The following PCSK1 variants were observed in gnomAD, a reference collection of about 807,000 sequenced individuals.
The protein encoded by PCSK1 is neuroendocrine convertase 1.
PCSK1 carries 56 observed loss-of-function variants against 90.6 expected under a neutral mutation model. That is an observed-to-expected ratio of 0.62 (90% CI 0.50 to 0.77). PCSK1 has a LOEUF of 0.77. PCSK1 is among the 30% of genes least tolerant of loss of function. The pLI, the probability that PCSK1 is intolerant of heterozygous loss-of-function variation, is 0.00. For synonymous variants in PCSK1, 348 were observed against 342.4 expected, an observed-to-expected ratio of 1.02 and a Z score of -0.18; for missense variants, 801 against 932.6, an observed-to-expected ratio of 0.86 and a Z score of 1.84.
At chr5:96,412,757 T>TTTTTTTTTGTTTTTTG (rs1554058744) in intron 6 of PCSK1, among the ~76,000 whole-genome samples, 4 of 141,588 alleles carry the variant, frequency 2.8e-5, no homozygotes, top group African/African-American at 1.2e-4. Context: ...GTGATGTTTT[T>TTTTTTTTTGTTTTTTG]TTTTTTTTTT....
In PCSK1 at chr5:96,410,911, C is replaced by A; in HGVS notation, c.958G>T (p.Asp320Tyr). The change falls in exon 8 of 14, where the codon GAT (aspartate) becomes TAT (tyrosine). Residue 320 changes from aspartate (D) to tyrosine (Y), a missense_variant. Asp to Tyr is a radical substitution (Grantham distance 160). Coordinates refer to ENST00000311106, the MANE Select transcript of PCSK1 (RefSeq NM_000439.5). ...GTGTAGATGCTGTCTGTGTAGCCAT[C>A]ACAGTCACAATTATCTCCCTGACGC... ...GGRQGDNCDC[D>Y]GYTDSIYTIS... 1 of 1,614,076 alleles carries A rather than the reference C, an allele frequency of 6.2e-7. No homozygotes were observed. Among genetic ancestry groups the A allele is most frequent in the African/African-American group, 1.3e-5 (1 of 75,028 alleles).
At chr5:96,403,090 G>A (rs1429766092) in intron 9 of PCSK1, among the ~76,000 whole-genome samples, 2 of 152,230 alleles carry the variant, frequency 1.3e-5, no homozygotes, top group Admixed American at 1.3e-4. Flanking sequence ...GAGGCTTAAG[G>A]CAAGGTGCTG....
At chr5:96,403,219 A>T (rs1390959685) in intron 9 of PCSK1, among the ~76,000 whole-genome samples, 1 of 152,138 alleles carries the variant, frequency 6.6e-6, no homozygotes, top group East Asian at 1.9e-4. Context: ...TCTCTGCAAA[A>T]TATTAAGGAG....
chr5:96,403,150 G>C (rs971482865), intron 9 of PCSK1, among the ~76,000 whole-genome samples: 2 of 152,078 alleles, frequency 1.3e-5, no homozygotes, highest in South Asian at 4.2e-4. Flanking sequence ...TTCTGTAGTA[G>C]AGCATTTATT....
Position 96,429,199 on chromosome 5 carries a change from T to C in PCSK1, c.285+14A>G, listed in dbSNP as rs540615645. 151 of 1,273,722 alleles carry C rather than the reference T, an allele frequency of 1.2e-4. 2 individuals are homozygous for C. The South Asian group carries it at 1.7e-3, about 14-fold the overall frequency. The allele number at this position is 1,273,722 out of a possible 1,614,324, so 78.9% of individuals were successfully genotyped here. Reference sequence around the variant, plus strand: ...GCTAGAGTATTGGTTTGAAGACAAATGTACAACACTTACACGATCATCATC... The same window carrying C: ...GCTAGAGTATTGGTTTGAAGACAAACGTACAACACTTACACGATCATCATC... On this transcript the variant is annotated intron_variant, in intron 2 of 13. Transcript: ENST00000311106.
At chr5:96,431,173 A>T (rs868840933) in intron 1 of PCSK1, among the ~76,000 whole-genome samples, 2 of 152,182 alleles carry the variant, frequency 1.3e-5, no homozygotes, top group African/African-American at 4.8e-5. Flanking sequence ...TTCCTCTGCT[A>T]CTCATACCCT....
intron 9 of PCSK1, among the ~76,000 whole-genome samples, chr5:96,405,003 G>T (rs1035478787): frequency 6.6e-6 from 1 of 152,152 alleles, no homozygotes; most frequent in Non-Finnish European, 1.5e-5. Flanking sequence ...GATGGCACAT[G>T]ATTAAATGAT....
intron 6 of PCSK1, among the ~76,000 whole-genome samples, chr5:96,414,736 T>C (rs1421900856): frequency 6.6e-6 from 1 of 152,244 alleles, no homozygotes; most frequent in Non-Finnish European, 1.5e-5. Flanking sequence ...TCACAAACTA[T>C]AGCTGTTTCG....
In PCSK1 at chr5:96,398,908, T is replaced by A; in HGVS notation, c.1559A>T (p.Asp520Val). The change falls in exon 11 of 14, where the codon GAC becomes GTC. Residue 520 changes from aspartate (D) to valine (V), a missense_variant. Transcript: ENST00000311106. The stretch of plus-strand genomic sequence containing the variant: ...AGCAGAAGTAAGTGTGACATGAAGG[T>A]CTCCTCTTCGGGAATATTCAATTGT... ...EATIEYSRRGDLHVTLTSAAG... is the reference protein window; with the variant it reads ...EATIEYSRRGVLHVTLTSAAG... 1 of 1,613,726 alleles carries A rather than the reference T, an allele frequency of 6.2e-7. No individual in the cohort carries two copies. Among genetic ancestry groups the A allele is most frequent in the Non-Finnish European group, 8.5e-7 (1 of 1,179,654 alleles).
At chr5:96,432,803 G>C in intron 1 of PCSK1, 60 bp downstream of exon 1, 1 of 1,427,896 alleles carries the variant, frequency 7.0e-7, no homozygotes, top group Non-Finnish European at 9.9e-7. Flanking sequence ...GGAAGACCGC[G>C]CTCCAGTCCC....
intron 8 of PCSK1, among the ~76,000 whole-genome samples, chr5:96,409,357 T>C (rs908970730): frequency 1.3e-5 from 2 of 152,218 alleles, no homozygotes; most frequent in African/African-American, 2.4e-5. Flanking sequence ...TCTCAAGTTA[T>C]GATGGCTCTG....
intron 9 of PCSK1, among the ~76,000 whole-genome samples, chr5:96,404,108 T>A (rs1272828305): frequency 6.6e-6 from 1 of 152,204 alleles, no homozygotes; most frequent in Non-Finnish European, 1.5e-5. Flanking sequence ...ATGCAAGGAA[T>A]TCCTTCTTCT....
intron 1 of PCSK1, among the ~76,000 whole-genome samples, chr5:96,431,042 G>T (rs1248668059): frequency 6.6e-6 from 1 of 152,062 alleles, no homozygotes; most frequent in Non-Finnish European, 1.5e-5. Flanking sequence ...CCTCCTACAC[G>T]GTTACCAGTG....
intron 5 of PCSK1, among the ~76,000 whole-genome samples, chr5:96,419,157 G>C: frequency 6.6e-6 from 1 of 151,672 alleles, no homozygotes; most frequent in East Asian, 1.9e-4. Flanking sequence ...ATTTTAACCA[G>C]AATAAGGGTA....
At chr5:96,414,149 A>T (rs1760869164) in intron 6 of PCSK1, among the ~76,000 whole-genome samples, 1 of 151,628 alleles carries the variant, frequency 6.6e-6, no homozygotes, top group South Asian at 2.1e-4. Context: ...AAAAAAAAAA[A>T]AAAAAATCCC....
chr5:96,425,836 T>A lies in PCSK1; in HGVS notation c.380A>T (p.Asn127Ile), dbSNP rs574780528. Reference sequence around the variant, plus strand: ...GGTACTTACCAAGTACCATTGCTGATTCCACATGGGATCATTGAAGAGATT... The same window carrying A: ...GGTACTTACCAAGTACCATTGCTGAATCCACATGGGATCATTGAAGAGATT... ...ALNLFNDPMWNQQWYLQDTRM... is the reference protein window; with the variant it reads ...ALNLFNDPMWIQQWYLQDTRM... Residue 127 changes from asparagine to isoleucine, a missense_variant, in exon 3 of 14, where the codon AAT becomes ATT. Physicochemically the swap from Asn to Ile is moderately radical, Grantham distance 149. Coordinates refer to ENST00000311106, the MANE Select transcript of PCSK1 (RefSeq NM_000439.5). 193 of 1,596,636 alleles carry A rather than the reference T, an allele frequency of 1.2e-4. 3 individuals carry two copies. The South Asian group carries it at 2.1e-3, about 17-fold the overall frequency.
At chr5:96,412,083 A>G (rs1328708650) in intron 7 of PCSK1, among the ~76,000 whole-genome samples, 2 of 152,204 alleles carry the variant, frequency 1.3e-5, no homozygotes, top group African/African-American at 4.8e-5. Context: ...CCTGGCCTCA[A>G]TTGATCTGCC....
intron 5 of PCSK1, among the ~76,000 whole-genome samples, chr5:96,420,617 A>AC (rs1761094109): frequency 2.0e-5 from 3 of 152,012 alleles, no homozygotes; most frequent in Admixed American, 6.6e-5. Context: ...AAGTCCATGT[A>AC]CCCCAGCCTC....
intron 2 of PCSK1, among the ~76,000 whole-genome samples, chr5:96,426,926 A>G (rs1761326918): frequency 6.6e-6 from 1 of 152,252 alleles, no homozygotes; most frequent in Non-Finnish European, 1.5e-5. Flanking sequence ...AGAACCTGAA[A>G]GCTAGAAATT....
Sources: gnomAD v4.1 joint callset for allele counts (sites outside exome capture counted in the v4.1 genomes callset) on GRCh38, gnomAD v4.1.1 for gene constraint, MANE v1.5 for transcripts, NCBI Gene and HGNC (gene_info 2026-07-23, HGNC 2026-07-21) for gene names.